Variants in STAB2 observed in about 807,000 individuals in gnomAD.
The protein encoded by STAB2 is stabilin 2.
Under a neutral mutation model 338.1 loss-of-function variants are expected in STAB2, and 288 were observed. That is an observed-to-expected ratio of 0.85 (90% CI 0.77 to 0.94). STAB2 has a LOEUF of 0.94. STAB2 is among the 40% of genes least tolerant of loss of function. STAB2 has a pLI of 0.00. For missense variants in STAB2, 3,141 were observed against 3,210.1 expected, an observed-to-expected ratio of 0.98 and a Z score of 0.52; for synonymous variants, 1,202 against 1,193.3, an observed-to-expected ratio of 1.01 and a Z score of -0.15.
At chr12:103,724,567 G>A (rs1436483943) in intron 44 of STAB2, among the ~76,000 whole-genome samples, 1 of 152,130 alleles carries the variant, frequency 6.6e-6, no homozygotes, top group African/African-American at 2.4e-5. Context: ...TGAGGGCTGG[G>A]ACAATGTGTT....
intron 5 of STAB2, among the ~76,000 whole-genome samples, chr12:103,622,418 A>T (rs1300289459): frequency 6.6e-6 from 1 of 152,188 alleles, no homozygotes; most frequent in Non-Finnish European, 1.5e-5. Flanking sequence ...ACAGCTTGGC[A>T]TTTGCCTTAT....
chr12:103,631,832 A>C, intron 6 of STAB2, 139 bp downstream of exon 6: 2 of 726,560 alleles, frequency 2.8e-6, no homozygotes, highest in Non-Finnish European at 4.6e-6. Context: ...TAGAAATTAA[A>C]AAGAGAATAT....
At chr12:103,594,046 T>C (rs1956838586) in intron 2 of STAB2, among the ~76,000 whole-genome samples, 1 of 149,288 alleles carries the variant, frequency 6.7e-6, no homozygotes, top group Non-Finnish European at 1.5e-5. Flanking sequence ...TAACTCATGA[T>C]CTCTCCCTTC....
intron 4 of STAB2, 54 bp downstream of exon 4, chr12:103,620,607 C>A (rs1374332600): frequency 1.4e-5 from 19 of 1,385,688 alleles, no homozygotes; most frequent in Non-Finnish European, 1.7e-5. Context: ...CATCTTCTTA[C>A]CTGTTGATCC....
At chr12:103,649,072 G>A (rs192532834) in intron 10 of STAB2, among the ~76,000 whole-genome samples, 203 of 152,236 alleles carry the variant, frequency 1.3e-3, no homozygotes, top group Non-Finnish European at 1.4e-3. Context: ...TTTGGGGGTC[G>A]CCATAGACCA....
At chr12:103,740,155 G>A (rs941481486) in intron 54 of STAB2, among the ~76,000 whole-genome samples, 1 of 152,320 alleles carries the variant, frequency 6.6e-6, no homozygotes. Flanking sequence ...CACATAGTAA[G>A]TGCTCATTAA....
Position 103,718,237 on chromosome 12 carries a change from G to A in STAB2, c.4683+396G>A, listed in dbSNP as rs1168451899. On this transcript the variant is annotated intron_variant, in intron 44 of 68. Coordinates refer to ENST00000388887, the MANE Select transcript of STAB2 (RefSeq NM_017564.10). ...AGACTTACACGTAGGAATCCACAGC[G>A]AGCGCACTATGAGTCAACAATATAG... Among the ~76,000 whole-genome samples the A allele has an allele frequency of 6.6e-5, 10 of 152,050 alleles. No homozygotes were observed. The East Asian group carries it at 1.2e-3, about 18-fold the overall frequency.
intron 34 of STAB2, among the ~76,000 whole-genome samples, chr12:103,702,457 C>T (rs1296367669): frequency 6.6e-6 from 1 of 152,114 alleles, no homozygotes; most frequent in Non-Finnish European, 1.5e-5. Flanking sequence ...CGCCACCGCG[C>T]CCGGCTAATT....
chr12:103,732,585 T>A (rs891156967), intron 50 of STAB2, among the ~76,000 whole-genome samples: 1 of 152,082 alleles, frequency 6.6e-6, no homozygotes, highest in Non-Finnish European at 1.5e-5. Context: ...GCAGGAGGAT[T>A]GCTTGAGCCC....
At chr12:103,669,817 C>T (rs1396735204) in intron 21 of STAB2, among the ~76,000 whole-genome samples, 190 bp downstream of exon 21, 3 of 152,098 alleles carry the variant, frequency 2.0e-5, no homozygotes, top group African/African-American at 7.2e-5. Context: ...AGAGAGATTC[C>T]GGTAATGTTG....
In STAB2 at chr12:103,667,346, A is replaced by G. The variant is rs545267388; in HGVS notation, c.2085+993A>G. Among the ~76,000 whole-genome samples, 451 of 152,318 alleles carry G rather than the reference A, an allele frequency of 3.0e-3. 4 individuals carry two copies. Among genetic ancestry groups the G allele is most frequent in the Non-Finnish European group, 5.5e-3 (373 of 68,022 alleles). On this transcript the variant is annotated intron_variant, in intron 19 of 68. Transcript: ENST00000388887. The stretch of plus-strand genomic sequence containing the variant: ...TCACAGTGATTGCTGTGTGCCAGAC[A>G]TTGTTCTAAATGCTTTATGCAGCAG...
At chr12:103,733,631 G>A (rs779300927) in intron 51 of STAB2, among the ~76,000 whole-genome samples, 13 of 152,070 alleles carry the variant, frequency 8.5e-5, no homozygotes, top group Non-Finnish European at 1.8e-4. Context: ...AGAGAAGCAC[G>A]ATCATATAGA....
At chr12:103,648,876 G>A in intron 10 of STAB2, 53 bp downstream of exon 10, 4 of 1,593,662 alleles carry the variant, frequency 2.5e-6, no homozygotes, top group South Asian at 1.1e-5. Flanking sequence ...TCAGGAAAGG[G>A]CATCTGCAAG....
chr12:103,620,599 T>TCTTCTTA, intron 4 of STAB2, 46 bp downstream of exon 4: 1 of 1,483,216 alleles, frequency 6.7e-7, no homozygotes, highest in South Asian at 1.2e-5. Flanking sequence ...CTGCTCCCCA[T>TCTTCTTA]CTTCTTACCT....
chr12:103,708,622 A>G, intron 39 of STAB2, 86 bp downstream of exon 39: 1 of 1,213,230 alleles, frequency 8.2e-7, no homozygotes, highest in Non-Finnish European at 1.2e-6. Context: ...TATAAATGAC[A>G]CCTTTTTTTA....
At chr12:103,730,403 A>C (rs566886661) in intron 49 of STAB2, 147 bp downstream of exon 49, 1 of 953,234 alleles carries the variant, frequency 1.0e-6, no homozygotes, top group East Asian at 2.7e-5. Context: ...CATTATTCTT[A>C]GTAAGAAATA....
At chr12:103,663,346 T>G (rs992173747) in intron 18 of STAB2, among the ~76,000 whole-genome samples, 2 of 152,178 alleles carry the variant, frequency 1.3e-5, no homozygotes, top group Admixed American at 1.3e-4. Context: ...AGCAGAGCCA[T>G]GCTCCCTCTG....
At chr12:103,724,076 G>A (rs761799899) in intron 44 of STAB2, among the ~76,000 whole-genome samples, 5 of 152,064 alleles carry the variant, frequency 3.3e-5, no homozygotes, top group Non-Finnish European at 7.4e-5. Flanking sequence ...AGGGAAAGGC[G>A]GTGATCCAGG....
At chr12:103,619,023 T>C (rs1957256028) in intron 3 of STAB2, among the ~76,000 whole-genome samples, 1 of 152,192 alleles carries the variant, frequency 6.6e-6, no homozygotes, top group Non-Finnish European at 1.5e-5. Context: ...AAGACGTCAC[T>C]TTGCTCTTTC....
Sources: gnomAD v4.1 joint callset for allele counts (sites outside exome capture counted in the v4.1 genomes callset) on GRCh38, gnomAD v4.1.1 for gene constraint, MANE v1.5 for transcripts, NCBI Gene and HGNC (gene_info 2026-07-23, HGNC 2026-07-21) for gene names.